Variants in TECR observed in about 807,000 individuals in gnomAD.
TECR encodes trans-2,3-enoyl-CoA reductase, also known as very-long-chain enoyl-CoA reductase.
A neutral mutation model predicts 50.6 loss-of-function variants in TECR; 19 were observed. The ratio of observed to expected loss-of-function variants is 0.38; its 90% CI spans 0.26 to 0.55. The LOEUF is 0.55. Among genes scored for constraint, TECR ranks in the 20% least tolerant of loss-of-function variants. The pLI is 0.79. For missense variants in TECR, 313 were observed against 408.3 expected, an observed-to-expected ratio of 0.77 and a Z score of 2.01; for synonymous variants, 168 against 163.5, an observed-to-expected ratio of 1.03 and a Z score of -0.21.
intron 1 of TECR, among the ~76,000 whole-genome samples, chr19:14,542,016 C>G (rs1250493183): frequency 6.6e-6 from 1 of 152,192 alleles, no homozygotes; most frequent in African/African-American, 2.4e-5. Flanking sequence ...CTCCTGACCT[C>G]AAGTGATCCG....
chr19:14,552,128 C>T (rs915186428), intron 1 of TECR, among the ~76,000 whole-genome samples: 4 of 150,768 alleles, frequency 2.7e-5, no homozygotes, highest in Non-Finnish European at 4.4e-5. Flanking sequence ...CATGAGCCAC[C>T]GCGCCTGGCC....
chr19:14,536,934 C>T (rs1466097895), intron 1 of TECR, among the ~76,000 whole-genome samples: 1 of 146,154 alleles, frequency 6.8e-6, no homozygotes, highest in Admixed American at 7.0e-5. Context: ...ACCTCTGGAC[C>T]TCTGGACACG....
At chr19:14,529,855 C>G (rs1252554078) in intron 1 of TECR, 144 bp downstream of exon 1, 19 of 1,129,464 alleles carry the variant, frequency 1.7e-5, no homozygotes, top group South Asian at 2.6e-5. Flanking sequence ...GCGTTGCGCC[C>G]CGGGCCACTC....
chr19:14,543,234 TG>T (rs1316834398), intron 1 of TECR, among the ~76,000 whole-genome samples: 1 of 138,956 alleles, frequency 7.2e-6, no homozygotes, highest in East Asian at 2.1e-4. Context: ...GGCAGATGGG[TG>T]GAGCTGCTGA....
In TECR at chr19:14,563,282, G is replaced by T. The variant is rs2073959055; in HGVS notation, c.118+25G>T. The T allele has an allele frequency of 6.3e-7, 1 of 1,595,882 alleles. No individual in the cohort carries two copies. The highest frequency in any genetic ancestry group is 8.6e-7 in the Non-Finnish European group (1 of 1,163,650). On this transcript the variant is annotated intron_variant, in intron 3 of 12. Coordinates refer to ENST00000215567, the MANE Select transcript of TECR (RefSeq NM_138501.6). This position sits in a 1 kb window ranked among gnomAD's most constrained non-coding sequence, Gnocchi z 5.3. Reference sequence around the variant, plus strand: ...CGTGAGTTCTAGTCCCGGCCACACTGCCCCTGCAACCCCTTTGACCAGGGA... The same window carrying T: ...CGTGAGTTCTAGTCCCGGCCACACTTCCCCTGCAACCCCTTTGACCAGGGA...
chr19:14,565,580 C>G, intron 11 of TECR, 38 bp from the exon 12 acceptor site: 1 of 1,595,254 alleles, frequency 6.3e-7, no homozygotes, highest in Non-Finnish European at 8.5e-7. Flanking sequence ...ACACGGGTTG[C>G]GAGGCTGCCC....
rs1345939923 is a variant in TECR at position 14,565,748 on chromosome 19, C to T, written c.804C>T (p.Ala268=). 3 of 1,612,234 alleles carry T rather than the reference C, an allele frequency of 1.9e-6. No individual in the cohort carries two copies. Among genetic ancestry groups the T allele is most frequent in the South Asian group, 1.1e-5 (1 of 90,966 alleles). Residue 268 remains alanine, a synonymous_variant, in exon 13 of 13, where the codon GCC becomes GCT. Transcript: ENST00000215567. ...FAIMTQCLPV[A]LFSLVGFTQM... ...GACGCCCGTTCTTTCCTGCAGTGGC[C>T]CTGTTCTCCCTGGTGGGCTTCACCC...
intron 1 of TECR, among the ~76,000 whole-genome samples, chr19:14,544,793 C>T (rs866828501): frequency 7.9e-5 from 12 of 151,906 alleles, no homozygotes; most frequent in African/African-American, 2.2e-4. Context: ...CCATCACGCC[C>T]GGCTAATTTG....
intron 1 of TECR, among the ~76,000 whole-genome samples, chr19:14,544,095 G>A (rs566435311): frequency 6.6e-6 from 1 of 152,200 alleles, no homozygotes; most frequent in East Asian, 1.9e-4. Flanking sequence ...AGAGGACAGA[G>A]CTGGAGAATC....
In TECR at chr19:14,536,022, C is replaced by T. The variant is rs537010355; in HGVS notation, c.15+6311C>T. Among the ~76,000 whole-genome samples, 159 of 152,122 alleles carry T rather than the reference C, an allele frequency of 1.0e-3. 4 individuals carry two copies. In the South Asian group the frequency reaches 0.03, roughly 28 times the overall value. ...GTAGGCACTCAGAATCTCAGAGCCC[C>T]AGGCTTGAGATAATTTTTCTGGTTT... On this transcript the variant is annotated intron_variant, in intron 1 of 12. Transcript: ENST00000215567.
In TECR at chr19:14,563,692, C is replaced by T; in HGVS notation, c.153C>T (p.Arg51=). The change falls in exon 4 of 13, where the codon CGC becomes CGT. Residue 51 remains arginine, a synonymous_variant. Coordinates refer to ENST00000215567, the MANE Select transcript of TECR (RefSeq NM_138501.6). This position sits in a 1 kb window ranked among gnomAD's most constrained non-coding sequence, Gnocchi z 5.3. ...PQWYPARQSL[R]LDPKGKSLKD... ...GGTACCCCGCCCGCCAGTCCCTCCG[C>T]CTGGACCCCAGTGAGTACAGCTGTC... The T allele has an allele frequency of 1.2e-6, 2 of 1,613,168 alleles. No individual in the cohort carries two copies. Among genetic ancestry groups the T allele is most frequent in the Non-Finnish European group, 1.7e-6 (2 of 1,179,904 alleles).
At chr19:14,546,032 C>A (rs566297682) in intron 1 of TECR, 1 of 152,154 alleles carries the variant, frequency 6.6e-6, no homozygotes, top group Non-Finnish European at 1.5e-5. Context: ...GGCTGGGTCA[C>A]GCCCGCCATG....
At chr19:14,555,796 A>C (rs915865580) in intron 1 of TECR, among the ~76,000 whole-genome samples, 1 of 152,064 alleles carries the variant, frequency 6.6e-6, no homozygotes, top group African/African-American at 2.4e-5. Context: ...ATTTTGCCCA[A>C]GCTGGTCTTG....
chr19:14,550,693 G>A (rs2073468979), intron 1 of TECR, among the ~76,000 whole-genome samples: 1 of 152,022 alleles, frequency 6.6e-6, no homozygotes, highest in Non-Finnish European at 1.5e-5. Context: ...TGGTTTGTTT[G>A]TTTTTTAGAT....
intron 1 of TECR, among the ~76,000 whole-genome samples, chr19:14,537,744 G>GTTTTTTTTTT (rs533380690): frequency 7.9e-6 from 1 of 126,274 alleles, no homozygotes. Context: ...AATTATCAGT[G>GTTTTTTTTTT]TTTTTTTTTT....
chr19:14,557,556 A>G (rs1263139209), intron 1 of TECR, among the ~76,000 whole-genome samples: 1 of 147,258 alleles, frequency 6.8e-6, no homozygotes, highest in African/African-American at 2.5e-5. Context: ...GGTTCAAGCA[A>G]TTCTCCTGCC....
In TECR at chr19:14,529,719, G is replaced by A; in HGVS notation, c.15+8G>A. 3 of 1,614,108 alleles carry A rather than the reference G, an allele frequency of 1.9e-6. No homozygotes were observed. The highest frequency in any genetic ancestry group is 2.5e-6 in the Non-Finnish European group (3 of 1,180,052). On this transcript the variant is annotated splice_region_variant and intron_variant, in intron 1 of 12. Coordinates refer to ENST00000215567, the MANE Select transcript of TECR (RefSeq NM_138501.6). The stretch of plus-strand genomic sequence containing the variant: ...GCCATGAAGCATTACGAGGTAAGAA[G>A]CGAGAAACAGGGGCCGTGTGGCCAC...
intron 1 of TECR, among the ~76,000 whole-genome samples, chr19:14,549,962 ATAAAC>A (rs2073439168): frequency 6.6e-6 from 1 of 151,948 alleles, no homozygotes; most frequent in Non-Finnish European, 1.5e-5. Context: ...AATAAAAAAA[ATAAAC>A]TATACACCTG....
At chr19:14,533,386 C>T (rs1476790690) in intron 1 of TECR, among the ~76,000 whole-genome samples, 3 of 151,922 alleles carry the variant, frequency 2.0e-5, no homozygotes, top group Non-Finnish European at 4.4e-5. Flanking sequence ...CACCACTGCA[C>T]TCCAGCCTGG....
Sources: gnomAD v4.1 joint callset for allele counts (sites outside exome capture counted in the v4.1 genomes callset) on GRCh38, gnomAD v4.1.1 for gene constraint, Gnocchi (gnomAD v3.1) non-coding constraint, MANE v1.5 for transcripts, NCBI Gene and HGNC (gene_info 2026-07-23, HGNC 2026-07-21) for gene names.